SUCO: variants seen among roughly 807,000 people sequenced by gnomAD.
The protein encoded by SUCO is SUN domain-containing ossification factor.
Under a neutral mutation model 148.1 loss-of-function variants are expected in SUCO, and 57 were observed. That is an observed-to-expected ratio of 0.38 (90% CI 0.31 to 0.48). The LOEUF (loss-of-function observed/expected upper bound fraction) is 0.48. SUCO is among the 20% of genes least tolerant of loss of function. SUCO has a pLI of 0.96. For synonymous variants in SUCO, 470 were observed against 502.7 expected, an observed-to-expected ratio of 0.93 and a Z score of 0.87; for missense variants, 1,331 against 1,468.2, an observed-to-expected ratio of 0.91 and a Z score of 1.53.
chr1:172,591,355 T>C (rs531830878), intron 19 of SUCO, among the ~76,000 whole-genome samples: 1 of 152,160 alleles, frequency 6.6e-6, no homozygotes, highest in African/African-American at 2.4e-5. Context: ...ACAAGTGCCA[T>C]GTTGGTGTGC....
At position 172,608,752 on chromosome 1, in the gene SUCO, C is replaced by A. The variant is rs772799156; in HGVS notation, c.3271C>A (p.Pro1091Thr). 1.6e-4 allele frequency: 257 copies of A among 1,578,034 alleles called. No individual in the cohort carries two copies. The highest frequency in any genetic ancestry group is 2.1e-4 in the Non-Finnish European group (244 of 1,158,292). ...SLQLTGKEVD[P>T]NDLYIVEPLK... ...TTTTTTTTTTTTACTTACAGTAGAC[C>A]CAAATGATTTGTACATTGTAGAACC... Residue 1091 changes from proline (P) to threonine (T), a missense_variant, in exon 23 of 24, where the codon CCA becomes ACA. Transcript: ENST00000263688.
At chr1:172,575,872 A>T (rs950916869) in intron 11 of SUCO, among the ~76,000 whole-genome samples, 1 of 151,846 alleles carries the variant, frequency 6.6e-6, no homozygotes, top group Non-Finnish European at 1.5e-5. Context: ...AATTATAACT[A>T]TTTAAGTTTT....
chr1:172,565,520 G>A (rs1391994821), intron 6 of SUCO, among the ~76,000 whole-genome samples: 5 of 152,154 alleles, frequency 3.3e-5, no homozygotes, highest in African/African-American at 1.2e-4. Context: ...TACCAATGCT[G>A]TAAACCCAGA....
intron 15 of SUCO, among the ~76,000 whole-genome samples, chr1:172,583,567 G>A (rs1350495438): frequency 6.6e-6 from 1 of 152,126 alleles, no homozygotes; most frequent in Non-Finnish European, 1.5e-5. Context: ...CCTTCCTGAT[G>A]TAGTAGATTT....
At chr1:172,581,585 A>T (rs1407900091) in intron 15 of SUCO, among the ~76,000 whole-genome samples, 1 of 152,172 alleles carries the variant, frequency 6.6e-6, no homozygotes, top group Non-Finnish European at 1.5e-5. Flanking sequence ...GTAAATAATA[A>T]AGTGGAATCA....
At position 172,565,455 on chromosome 1, in the gene SUCO, T is replaced by C. The variant is rs73034021; in HGVS notation, c.733-3564T>C. Among the ~76,000 whole-genome samples the C allele has an allele frequency of 3.6e-3, 544 of 152,288 alleles. 3 individuals carry two copies. The highest frequency in any genetic ancestry group is 0.011 in the African/African-American group (476 of 41,552). On this transcript the variant is annotated intron_variant, in intron 6 of 23. Transcript: ENST00000263688. Reference sequence around the variant, plus strand: ...TAGGGAGAGGGGCTATAACCCACAGTCCTAAAGGAATGTCAATGCCAAAAA... The same window carrying C: ...TAGGGAGAGGGGCTATAACCCACAGCCCTAAAGGAATGTCAATGCCAAAAA...
At chr1:172,541,919 GTTTGT>G (rs1418177500) in intron 1 of SUCO, 15 of 868,616 alleles carry the variant, frequency 1.7e-5, no homozygotes, top group African/African-American at 1.8e-5. Flanking sequence ...TTGTTTGCTT[GTTTGT>G]TTTAACTTGG....
intron 22 of SUCO, among the ~76,000 whole-genome samples, chr1:172,603,417 T>C (rs907315561): frequency 1.4e-4 from 21 of 152,160 alleles, no homozygotes; most frequent in African/African-American, 4.3e-4. Context: ...TAGGAGTGCT[T>C]TCTTAATAAT....
intron 1 of SUCO, among the ~76,000 whole-genome samples, chr1:172,538,360 C>T (rs1428453687): frequency 6.6e-6 from 1 of 152,044 alleles, no homozygotes; most frequent in Non-Finnish European, 1.5e-5. Flanking sequence ...CATTTCTGTA[C>T]CCTTTTGCTT....
In SUCO at chr1:172,597,875, A is replaced by G. The variant is rs115877972; in HGVS notation, c.2914-2189A>G. Among the ~76,000 whole-genome samples the G allele has an allele frequency of 3.8e-3, 577 of 152,068 alleles. 5 individuals are homozygous for G. Among genetic ancestry groups the G allele is most frequent in the Middle Eastern group, 0.014 (4 of 294 alleles). On this transcript the variant is annotated intron_variant, in intron 19 of 23. Coordinates refer to ENST00000263688, the MANE Select transcript of SUCO (RefSeq NM_014283.5). ...ATGGCACGTTATAAATTGGAGATAC[A>G]CTTTGCAAATATTTTCTCCCAATCC...
chr1:172,562,207 A>G (rs1218339227), intron 6 of SUCO, among the ~76,000 whole-genome samples: 2 of 152,236 alleles, frequency 1.3e-5, no homozygotes, highest in African/African-American at 4.8e-5. Context: ...AGGAGCTCAC[A>G]AAAAAAGCTA....
chr1:172,559,605 C>T (rs1043988359), intron 6 of SUCO, among the ~76,000 whole-genome samples: 5 of 152,098 alleles, frequency 3.3e-5, no homozygotes, highest in Admixed American at 3.3e-4. Flanking sequence ...AAGCATTGTG[C>T]CCAGAATAGC....
Position 172,573,894 on chromosome 1 carries a change from TG to T in SUCO, c.1054del (p.Val352LeufsTer10). 1 of 1,553,204 alleles carries T rather than the reference TG, an allele frequency of 6.4e-7. No individual in the cohort carries two copies. Among genetic ancestry groups the T allele is most frequent in the Non-Finnish European group, 8.9e-7 (1 of 1,129,846 alleles). Reference sequence around the variant, plus strand: ...TTGTCTTTTGTTCTTTTTGAAGGTTTGTTATTGAACTTTGTGAACCAATTCA... The same window carrying T: ...TTGTCTTTTGTTCTTTTTGAAGGTTTTTATTGAACTTTGTGAACCAATTCA... ...LNPCSTKIWF[V>X]IELCEPIQVK... On this transcript the variant is annotated frameshift_variant, in exon 10 of 24. Coordinates refer to ENST00000263688, the MANE Select transcript of SUCO (RefSeq NM_014283.5). LOFTEE classifies it high-confidence loss of function.
At chr1:172,602,379 C>A in intron 21 of SUCO, 161 bp downstream of exon 21, 1 of 979,534 alleles carries the variant, frequency 1.0e-6, no homozygotes, top group Non-Finnish European at 1.2e-6. Flanking sequence ...TAAGATGGTC[C>A]TATGCCTAAC....
chr1:172,609,903 G>A lies in SUCO; in HGVS notation c.3409G>A (p.Gly1137Arg), dbSNP rs971137856. The A allele has an allele frequency of 2.5e-6, 4 of 1,613,724 alleles. No individual in the cohort carries two copies. Among genetic ancestry groups the A allele is most frequent in the African/African-American group, 1.3e-5 (1 of 74,890 alleles). The change falls in exon 24 of 24, where the codon GGA (glycine) becomes AGA (arginine). Residue 1137 changes from glycine (G) to arginine (R), a missense_variant. By Grantham distance (125) the Gly-to-Arg change is moderately radical. Coordinates refer to ENST00000263688, the MANE Select transcript of SUCO (RefSeq NM_014283.5). ...CCCCATAGCCAATGGCGACATAAAA[G>A]GAAGAAAGCCCTTTACGAACCAGAG... ...LHPIANGDIK[G>R]RKPFTNQRDF...
chr1:172,597,068 G>GGCATGGGACCCTCCGAGCCAT (rs918306698), intron 19 of SUCO, among the ~76,000 whole-genome samples: 2 of 152,230 alleles, frequency 1.3e-5, no homozygotes, highest in Non-Finnish European at 1.5e-5. Context: ...AGGCTCCGTG[G>GGCATGGGACCCTCCGAGCCAT]GCATGGGACC....
upstream of SUCO, chr1:172,533,020 G>C (rs932688941): frequency 9.8e-6 from 14 of 1,425,960 alleles, no homozygotes; most frequent in Non-Finnish European, 1.3e-5. Flanking sequence ...CTTGGGTGAC[G>C]CGTCCCTTTC....
chr1:172,566,597 G>A (rs1031173596), intron 6 of SUCO, among the ~76,000 whole-genome samples: 3 of 152,270 alleles, frequency 2.0e-5, no homozygotes, highest in Non-Finnish European at 4.4e-5. Flanking sequence ...TTGAGGAACA[G>A]GGCTACCCCA....
At chr1:172,547,743 G>T (rs1652970844) in intron 1 of SUCO, among the ~76,000 whole-genome samples, 1 of 152,156 alleles carries the variant, frequency 6.6e-6, no homozygotes, top group Non-Finnish European at 1.5e-5. Flanking sequence ...TTCTAAAAAA[G>T]ACATTGGATT....
Sources: allele counts gnomAD v4.1 joint callset (sites outside exome capture counted in the v4.1 genomes callset), GRCh38; gene constraint gnomAD v4.1.1; transcripts MANE v1.5; gene names NCBI Gene and HGNC (gene_info 2026-07-23, HGNC 2026-07-21).